DNAH5: variants seen among roughly 807,000 people sequenced by gnomAD.
DNAH5 encodes dynein axonemal heavy chain 5, also known as axonemal beta dynein heavy chain 5.
A neutral mutation model predicts 518.2 loss-of-function variants in DNAH5; 372 were observed. That is an observed-to-expected ratio of 0.72 (90% CI 0.66 to 0.78). The LOEUF is 0.78. Among genes scored for constraint, DNAH5 ranks in the 30% least tolerant of loss-of-function variants. DNAH5 has a pLI of 0.00. For missense variants in DNAH5, 5,523 were observed against 5,687.0 expected, an observed-to-expected ratio of 0.97 and a Z score of 0.93; for synonymous variants, 2,039 against 2,025.9, an observed-to-expected ratio of 1.01 and a Z score of -0.17.
intron 1 of DNAH5, among the ~76,000 whole-genome samples, chr5:13,961,656 A>C (rs1781193068): frequency 6.6e-6 from 1 of 152,094 alleles, no homozygotes; most frequent in African/African-American, 2.4e-5. Context: ...AAAAAGAAAA[A>C]GAAAAAGAAA....
At chr5:13,739,432 G>T (rs137956124) in intron 65 of DNAH5, among the ~76,000 whole-genome samples, 3 of 152,020 alleles carry the variant, frequency 2.0e-5, no homozygotes, top group African/African-American at 7.2e-5. Flanking sequence ...TTTGCCTTCC[G>T]CCATGATTGT....
intron 1 of DNAH5, among the ~76,000 whole-genome samples, chr5:14,009,351 C>G (rs1483130682): frequency 6.6e-6 from 1 of 152,178 alleles, no homozygotes; most frequent in Non-Finnish European, 1.5e-5. Flanking sequence ...TGAGGCAAGC[C>G]TTGGTCACAC....
chr5:13,846,413 A>G (rs1766010587), intron 31 of DNAH5, among the ~76,000 whole-genome samples: 2 of 152,144 alleles, frequency 1.3e-5, no homozygotes, highest in African/African-American at 4.8e-5. Context: ...TCTAGGAAAA[A>G]TCAAGTCTTT....
At chr5:13,714,769 G>C in intron 74 of DNAH5, 149 bp from the exon 75 acceptor site, 1 of 805,630 alleles carries the variant, frequency 1.2e-6, no homozygotes, top group Non-Finnish European at 2.0e-6. Context: ...AATTTCTCCA[G>C]AAAAGAATCA....
At chr5:13,869,588 A>G (rs1409899386) in intron 24 of DNAH5, among the ~76,000 whole-genome samples, 2 of 152,162 alleles carry the variant, frequency 1.3e-5, no homozygotes, top group African/African-American at 4.8e-5. Flanking sequence ...ACTCTTACTC[A>G]TTTCTAATGA....
intron 78 of DNAH5, among the ~76,000 whole-genome samples, chr5:13,693,010 T>G (rs1215663828): frequency 6.6e-6 from 1 of 152,182 alleles, no homozygotes; most frequent in Non-Finnish European, 1.5e-5. Context: ...AGTTTAAGCC[T>G]CATTAGCTTC....
At chr5:13,828,996 C>G (rs1000205181) in intron 38 of DNAH5, among the ~76,000 whole-genome samples, 3 of 152,182 alleles carry the variant, frequency 2.0e-5, no homozygotes, top group African/African-American at 7.2e-5. Flanking sequence ...CAATAGATAA[C>G]TAATGCAGAA....
chr5:13,706,302 G>A (rs1308508711), intron 76 of DNAH5, among the ~76,000 whole-genome samples: 2 of 152,292 alleles, frequency 1.3e-5, no homozygotes, highest in East Asian at 3.9e-4. Flanking sequence ...GGTGTAGCAG[G>A]GCAAGTGAAT....
intron 75 of DNAH5, among the ~76,000 whole-genome samples, chr5:13,712,632 C>G (rs1005502505): frequency 6.6e-6 from 1 of 151,980 alleles, no homozygotes; most frequent in African/African-American, 2.4e-5. Context: ...AAGAAAAAAA[C>G]AAACAATCCC....
chr5:13,864,317 G>A, intron 28 of DNAH5, 80 bp downstream of exon 28: 1 of 1,570,628 alleles, frequency 6.4e-7, no homozygotes, highest in East Asian at 2.2e-5. Context: ...GTAGTTTACT[G>A]ATCCAATATT....
Position 13,792,234 on chromosome 5 carries a change from T to C in DNAH5, c.8225-17A>G, listed in dbSNP as rs140629887. On this transcript the variant is annotated splice_polypyrimidine_tract_variant and intron_variant, in intron 49 of 78. Coordinates refer to ENST00000265104, the MANE Select transcript of DNAH5 (RefSeq NM_001369.3). ...CAATCACACCTGAAAAGGGGGAAATTACAGCATTTTGATTAGCCATTCAAA... is the reference window on the plus strand; with the variant it reads ...CAATCACACCTGAAAAGGGGGAAATCACAGCATTTTGATTAGCCATTCAAA... The C allele has an allele frequency of 3.3e-4, 524 of 1,600,602 alleles. 4 individuals carry two copies. In the East Asian group the frequency reaches 0.011, roughly 33 times the overall value.
In DNAH5 at chr5:13,780,835, A is replaced by C; in HGVS notation, c.8945T>G (p.Leu2982Arg). Residue 2982 changes from leucine (L) to arginine (R), a missense_variant, in exon 53 of 79, where the codon CTG becomes CGG. Physicochemically the swap from Leu to Arg is moderately radical, Grantham distance 102. This residue lies in a region of DNAH5 where 5,121 missense variants were observed against 5,223.3 expected (regional missense o/e 0.98). Transcript: ENST00000265104. ...IAGYVSFQITLTRSYNTSNLM... is the reference protein window; with the variant it reads ...IAGYVSFQITRTRSYNTSNLM... ...TAAAGTAAAAGGTTGTCACCTCGTC[A>C]GAGTGATCTGGAAGGAAACGTAGCC... is the stretch of plus-strand genomic sequence containing the variant. The C allele has an allele frequency of 1.2e-6, 2 of 1,613,624 alleles. No individual in the cohort carries two copies. Among genetic ancestry groups the C allele is most frequent in the Non-Finnish European group, 1.7e-6 (2 of 1,179,672 alleles).
chr5:13,910,690 C>T (rs554203901), intron 12 of DNAH5, among the ~76,000 whole-genome samples: 4 of 152,260 alleles, frequency 2.6e-5, no homozygotes, highest in Admixed American at 6.5e-5. Flanking sequence ...TTCCCCGTGA[C>T]CCAGTGGATC....
intron 3 of DNAH5, among the ~76,000 whole-genome samples, chr5:13,926,779 T>G (rs1484071522): frequency 6.6e-6 from 1 of 152,218 alleles, no homozygotes; most frequent in Non-Finnish European, 1.5e-5. Context: ...CAAGTAAAAT[T>G]TACGCAGAAG....
Position 13,714,625 on chromosome 5 carries a change from A to G in DNAH5, c.12910-5T>C, listed in dbSNP as rs1423424962. 1 of 1,613,740 alleles carries G rather than the reference A, an allele frequency of 6.2e-7. No homozygotes were observed. Among genetic ancestry groups the G allele is most frequent in the Non-Finnish European group, 8.5e-7 (1 of 1,179,936 alleles). ...GCTGTCATAGGCAGGCAAACTCTGA[A>G]CAACAGACACCCCAGATAAGCACAG... On this transcript the variant is annotated splice_polypyrimidine_tract_variant and splice_region_variant and intron_variant, in intron 74 of 78. Coordinates refer to ENST00000265104, the MANE Select transcript of DNAH5 (RefSeq NM_001369.3).
At position 13,913,773 on chromosome 5, in the gene DNAH5, T is replaced by G. The variant is rs1776314424; in HGVS notation, c.1506A>C (p.Glu502Asp). ...ATTTAGTGGCCATGTCTTCCAGCCC[T>G]TCAATTGTGGAATCTTGCAGGACTG... ...TYSVLQDSTIEGLEDMATKYQ... is the reference protein window; with the variant it reads ...TYSVLQDSTIDGLEDMATKYQ... The change falls in exon 11 of 79, where the codon GAA becomes GAC. Residue 502 changes from glutamate (E) to aspartate (D), a missense_variant. Transcript: ENST00000265104. The G allele has an allele frequency of 6.2e-7, 1 of 1,613,442 alleles. No individual in the cohort carries two copies. Among genetic ancestry groups the G allele is most frequent in the Admixed American group, 1.7e-5 (1 of 59,986 alleles).
intron 78 of DNAH5, among the ~76,000 whole-genome samples, chr5:13,696,554 A>AAAAAATT: frequency 6.6e-6 from 1 of 152,310 alleles, no homozygotes; most frequent in East Asian, 1.9e-4. Flanking sequence ...TATTTAAATC[A>AAAAAATT]AAAAATTTCC....
intron 21 of DNAH5, among the ~76,000 whole-genome samples, chr5:13,879,467 C>T (rs7700924): frequency 0.056 from 8,552 of 151,966 alleles, 246 homozygotes; most frequent in Admixed American, 0.061. Flanking sequence ...AAGTTACTTC[C>T]TGATAACCCC....
intron 78 of DNAH5, among the ~76,000 whole-genome samples, chr5:13,694,204 G>GA (rs1561061739): frequency 6.6e-6 from 1 of 152,050 alleles, no homozygotes; most frequent in East Asian, 1.9e-4. Flanking sequence ...AAAATGGAGG[G>GA]AAAAAATAGC....
Sources: gnomAD v4.1 joint callset for allele counts (sites outside exome capture counted in the v4.1 genomes callset) on GRCh38, gnomAD v4.1.1 for gene constraint, gnomAD v4.1.1 regional missense constraint, MANE v1.5 for transcripts, NCBI Gene and HGNC (gene_info 2026-07-23, HGNC 2026-07-21) for gene names.